GASK1A: variants seen among roughly 807,000 people sequenced by gnomAD.
GASK1A encodes golgi associated kinase 1A.
GASK1A carries 40 observed loss-of-function variants against 41.2 expected under a neutral mutation model. That is an observed-to-expected ratio of 0.97 (90% CI 0.75 to 1.27). GASK1A has a LOEUF of 1.27. Ranked by LOEUF, GASK1A falls within the 50% of genes most tolerant of loss-of-function variation. The pLI is 0.00. For synonymous variants in GASK1A, 316 were observed against 307.1 expected (o/e 1.03, Z -0.30); for missense variants, 678 against 745.1 (o/e 0.91, Z 1.05).
At position 43,032,490 on chromosome 3, in the gene GASK1A, G is replaced by C; in HGVS notation, c.227G>C (p.Gly76Ala). 1 of 1,550,608 alleles carries C rather than the reference G, an allele frequency of 6.4e-7. No individual in the cohort carries two copies. The highest frequency in any genetic ancestry group is 1.4e-5 in the African/African-American group (1 of 73,156). Residue 76 changes from glycine to alanine, a missense_variant, in exon 2 of 5, where the codon GGC becomes GCC. Transcript: ENST00000430121. ...SSRRQRARNMGFWRSRALPRN... is the reference protein window; with the variant it reads ...SSRRQRARNMAFWRSRALPRN... ...CGGAGGCAGCGGGCAAGAAACATGG[G>C]CTTCTGGAGAAGCCGTGCTTTGCCC...
chr3:43,035,765 C>G (rs1238181915), intron 2 of GASK1A, among the ~76,000 whole-genome samples: 1 of 152,186 alleles, frequency 6.6e-6, no homozygotes, highest in Non-Finnish European at 1.5e-5. Context: ...AGGTACCATC[C>G]CACTTTACAG....
chr3:42,986,401 A>G (rs1401862060), intron 1 of GASK1A, among the ~76,000 whole-genome samples: 3 of 152,234 alleles, frequency 2.0e-5, no homozygotes, highest in African/African-American at 7.2e-5. Context: ...GTGGTGGTGG[A>G]CATGCAAATC....
intron 1 of GASK1A, among the ~76,000 whole-genome samples, chr3:42,987,172 C>T (rs532325394): frequency 5.9e-5 from 9 of 152,370 alleles, no homozygotes; most frequent in African/African-American, 1.2e-4. Flanking sequence ...CAAAGGGGCA[C>T]GAGAGCCTTT....
At chr3:42,997,282 G>T (rs2089380566) in intron 1 of GASK1A, among the ~76,000 whole-genome samples, 2 of 152,166 alleles carry the variant, frequency 1.3e-5, no homozygotes, top group African/African-American at 2.4e-5. Flanking sequence ...TGGGTCTGAG[G>T]GTGAGAAGGC....
chr3:43,033,370 C>T lies in GASK1A; in HGVS notation c.1107C>T (p.Ile369=). 2 of 1,551,586 alleles carry T rather than the reference C, an allele frequency of 1.3e-6. No individual in the cohort carries two copies. Among genetic ancestry groups the T allele is most frequent in the Non-Finnish European group, 1.7e-6 (2 of 1,146,956 alleles). Residue 369 remains isoleucine (I), a synonymous_variant, in exon 2 of 5, where the codon ATC becomes ATT. Coordinates refer to ENST00000430121, the MANE Select transcript of GASK1A (RefSeq NM_001129908.3). Reference sequence around the variant, plus strand: ...CAGACGGTGGAGCAAGGCCTGTCATCTGGTGGGCACCCGATGTGCAGCACC... The same window carrying T: ...CAGACGGTGGAGCAAGGCCTGTCATTTGGTGGGCACCCGATGTGCAGCACC... ...RYTDGGARPV[I]WWAPDVQHLS... is the part of the protein sequence containing the mutation.
chr3:42,996,757 G>A (rs565524967), intron 1 of GASK1A, among the ~76,000 whole-genome samples: 13 of 152,356 alleles, frequency 8.5e-5, no homozygotes, highest in African/African-American at 2.9e-4. Context: ...GGGAACTGGA[G>A]AAAGGTCATG....
At chr3:43,046,299 T>C (rs1198889822) in intron 2 of GASK1A, among the ~76,000 whole-genome samples, 1 of 152,222 alleles carries the variant, frequency 6.6e-6, no homozygotes, top group Non-Finnish European at 1.5e-5. Flanking sequence ...GATGAGAACT[T>C]GTTGGGAACT....
chr3:43,054,991 T>C (rs2089709155), intron 3 of GASK1A, among the ~76,000 whole-genome samples: 1 of 152,172 alleles, frequency 6.6e-6, no homozygotes, highest in African/African-American at 2.4e-5. Flanking sequence ...GCAGGCTACC[T>C]TGGCAACTGC....
intron 1 of GASK1A, among the ~76,000 whole-genome samples, chr3:43,016,757 G>A (rs940937121): frequency 6.6e-6 from 1 of 152,012 alleles, no homozygotes; most frequent in Admixed American, 6.5e-5. Context: ...TCTGTGTGAA[G>A]CCACAGGAAG....
chr3:43,044,783 TACATGA>T (rs1419065316), intron 2 of GASK1A, among the ~76,000 whole-genome samples: 1 of 152,194 alleles, frequency 6.6e-6, no homozygotes, highest in African/African-American at 2.4e-5. Context: ...CATCTAAATT[TACATGA>T]AATTCAATTT....
At chr3:43,028,729 T>C (rs1420887998) in intron 1 of GASK1A, among the ~76,000 whole-genome samples, 1 of 152,198 alleles carries the variant, frequency 6.6e-6, no homozygotes, top group Admixed American at 6.5e-5. Context: ...GGAGCACAGG[T>C]TGTCTAGAGG....
At chr3:43,054,702 G>A (rs964083924) in intron 3 of GASK1A, among the ~76,000 whole-genome samples, 1 of 152,234 alleles carries the variant, frequency 6.6e-6, no homozygotes, top group African/African-American at 2.4e-5. Context: ...GACCAGAAGA[G>A]ATGGCCTCCC....
rs1172752865 is a variant in GASK1A at position 43,033,414 on chromosome 3, A to T, written c.1151A>T (p.Asp384Val). The T allele has an allele frequency of 1.9e-6, 3 of 1,551,596 alleles. No homozygotes were observed. The highest frequency in any genetic ancestry group is 1.2e-5 in the South Asian group (1 of 84,064). ...CAGCACCTGAGCGACCCAGATGAGG[A>T]TCAGAACTCTCTGGCCTTGGGCTGG... ...DVQHLSDPDE[D>V]QNSLALGWLQ... Residue 384 changes from aspartate to valine, a missense_variant, in exon 2 of 5, where the codon GAT becomes GTT. Physicochemically the swap from Asp to Val is radical, Grantham distance 152. Coordinates refer to ENST00000430121, the MANE Select transcript of GASK1A (RefSeq NM_001129908.3).
chr3:43,057,611 A>C lies in GASK1A; in HGVS notation c.*1225A>C, dbSNP rs1394753240. 6.6e-6 allele frequency: 1 copy of C among 152,068 alleles called. No homozygotes were observed. The highest frequency in any genetic ancestry group is 2.4e-5 in the African/African-American group (1 of 41,416). 9.4% of individuals were successfully genotyped at this position (152,068 alleles called of 1,614,324 possible). A position where few individuals can be genotyped will look rare whatever the true frequency, so the allele number is the denominator to read the frequency against. On this transcript the variant is annotated 3_prime_UTR_variant, in exon 5 of 5. Coordinates refer to ENST00000430121, the MANE Select transcript of GASK1A (RefSeq NM_001129908.3). ...TTCTGCATTGTCTTTTTGTTTTAAG[A>C]TGTTTGCCCTTTGCTTGTTAATTTG...
rs1187807578 is a variant in GASK1A, at chr3:43,006,384, G to A, written c.4-25883G>A. Among the ~76,000 whole-genome samples, 3 of 152,210 alleles carry A rather than the reference G, an allele frequency of 2.0e-5. No homozygotes were observed. The South Asian group carries it at 6.2e-4, about 31-fold the overall frequency. On this transcript the variant is annotated intron_variant, in intron 1 of 4. Coordinates refer to ENST00000430121, the MANE Select transcript of GASK1A (RefSeq NM_001129908.3). ...CAATAGCTTGTTAAAAGTGACTACA[G>A]GAGGGGTAAACCATGTTGAAATGTT... is the stretch of plus-strand genomic sequence containing the variant.
At chr3:43,033,635 G>C in intron 2 of GASK1A, 82 bp downstream of exon 2, 2 of 1,277,526 alleles carry the variant, frequency 1.6e-6, no homozygotes, top group African/African-American at 1.5e-5. Context: ...CCCACCTGAG[G>C]TTAGATGGTG....
At chr3:42,988,710 C>T (rs2089325085) in intron 1 of GASK1A, among the ~76,000 whole-genome samples, 1 of 152,200 alleles carries the variant, frequency 6.6e-6, no homozygotes, top group Non-Finnish European at 1.5e-5. Flanking sequence ...AGCTGGGTTT[C>T]GTCAGTGTTG....
At position 43,032,597 on chromosome 3, in the gene GASK1A, C is replaced by G; in HGVS notation, c.334C>G (p.Leu112Val). Residue 112 changes from leucine (L) to valine (V), a missense_variant, in exon 2 of 5, where the codon CTC becomes GTC. By Grantham distance (32) the Leu-to-Val change is conservative. Transcript: ENST00000430121. ...AAGCAGGGAGTCCCCAGGAGGGGAC[C>G]TCAGGCATCCAGGGAGGGTGAGGAG... Reference protein sequence around the residue: ...DRSRESPGGDLRHPGRVRRDI... With the variant: ...DRSRESPGGDVRHPGRVRRDI... The G allele has an allele frequency of 1.3e-6, 2 of 1,551,602 alleles. No homozygotes were observed. The highest frequency in any genetic ancestry group is 1.7e-6 in the Non-Finnish European group (2 of 1,146,930).
intron 1 of GASK1A, among the ~76,000 whole-genome samples, chr3:42,999,516 C>A (rs2089397370): frequency 6.6e-6 from 1 of 152,346 alleles, no homozygotes; most frequent in Non-Finnish European, 1.5e-5. Context: ...TCGCAGCCCA[C>A]CCTGATGTAC....
Sources: allele counts gnomAD v4.1 joint callset (sites outside exome capture counted in the v4.1 genomes callset), GRCh38; gene constraint gnomAD v4.1.1; transcripts MANE v1.5; gene names NCBI Gene and HGNC (gene_info 2026-07-23, HGNC 2026-07-21).